Variants in GPATCH2 observed in about 807,000 individuals in gnomAD.
GPATCH2 encodes G patch domain-containing protein 2.
Under a neutral mutation model 58.0 loss-of-function variants are expected in GPATCH2, and 51 were observed. The ratio of observed to expected loss-of-function variants is 0.88; its 90% CI spans 0.70 to 1.11. GPATCH2 has a LOEUF of 1.11. GPATCH2 is among the 50% of genes most tolerant of loss of function. The pLI is 0.00. For missense variants in GPATCH2, 625 were observed against 652.2 expected, an observed-to-expected ratio of 0.96 and a Z score of 0.45; for synonymous variants, 222 against 218.5, an observed-to-expected ratio of 1.02 and a Z score of -0.14.
chr1:217,581,030 A>AG lies in GPATCH2; in HGVS notation c.1098+29290_1098+29291insC, dbSNP rs1232091542. 2.6e-4 allele frequency among the ~76,000 whole-genome samples: 10 copies of AG among 38,898 alleles called. 3 individuals carry two copies. Among genetic ancestry groups the AG allele is most frequent in the Admixed American group, 1.8e-3 (5 of 2,810 alleles). 25.5% of individuals were successfully genotyped at this position (38,898 alleles called of 152,430 possible). On this transcript the variant is annotated intron_variant, in intron 5 of 9. Coordinates refer to ENST00000366935, the MANE Select transcript of GPATCH2 (RefSeq NM_018040.5). The stretch of plus-strand genomic sequence containing the variant: ...GACTCCGTCTCAAAAAAAAAAAAAA[A>AG]AAAAAAGAAAGGCAGAATCTCAAGT...
chr1:217,569,516 G>A (rs774622836), intron 5 of GPATCH2, among the ~76,000 whole-genome samples: 223 of 151,662 alleles, frequency 1.5e-3, no homozygotes, highest in Admixed American at 7.0e-3. Flanking sequence ...CTAACGTGGC[G>A]AAACCCCGCC....
intron 5 of GPATCH2, among the ~76,000 whole-genome samples, chr1:217,591,311 G>T (rs889838084): frequency 6.6e-6 from 1 of 151,884 alleles, no homozygotes; most frequent in African/African-American, 2.4e-5. Context: ...TTGTGTGTAC[G>T]TGTGTGTGTG....
At chr1:217,521,040 C>A (rs901699520) in intron 5 of GPATCH2, among the ~76,000 whole-genome samples, 2 of 152,052 alleles carry the variant, frequency 1.3e-5, no homozygotes, top group East Asian at 3.9e-4. Context: ...GAGCTGGGGT[C>A]CTGCTATGTT....
intron 2 of GPATCH2, among the ~76,000 whole-genome samples, chr1:217,618,953 T>C (rs1224985117): frequency 2.7e-5 from 4 of 147,162 alleles, no homozygotes; most frequent in Non-Finnish European, 4.5e-5. Context: ...ACAGAGTGAG[T>C]CTCTATCTCG....
chr1:217,626,504 TAA>T (rs1669464491), intron 1 of GPATCH2, among the ~76,000 whole-genome samples: 1 of 152,156 alleles, frequency 6.6e-6, no homozygotes, highest in Admixed American at 6.5e-5. Context: ...AATGAGTGAC[TAA>T]ACATGCAAAT....
intron 1 of GPATCH2, among the ~76,000 whole-genome samples, chr1:217,624,204 T>C (rs969916588): frequency 1.3e-5 from 2 of 152,052 alleles, no homozygotes; most frequent in Non-Finnish European, 2.9e-5. Context: ...GTCAAGCTGC[T>C]TCACTAACAT....
intron 8 of GPATCH2, among the ~76,000 whole-genome samples, chr1:217,466,463 T>C (rs1009493079): frequency 6.6e-6 from 1 of 152,104 alleles, no homozygotes; most frequent in African/African-American, 2.4e-5. Context: ...GGGCTCAAGC[T>C]ATCCCTCTGC....
intron 5 of GPATCH2, among the ~76,000 whole-genome samples, chr1:217,521,324 A>C (rs12144714): frequency 0.16 from 22,812 of 143,784 alleles, 2,312 homozygotes; most frequent in Non-Finnish European, 0.21. Context: ...TGTCCAATTT[A>C]CCACCTAGTA....
At chr1:217,541,952 G>GT (rs914175241) in intron 5 of GPATCH2, among the ~76,000 whole-genome samples, 3 of 151,996 alleles carry the variant, frequency 2.0e-5, no homozygotes, top group Non-Finnish European at 2.9e-5. Flanking sequence ...TTGAAGTAGA[G>GT]TTTTTTTTAT....
At chr1:217,514,666 G>A (rs1412170203) in intron 6 of GPATCH2, among the ~76,000 whole-genome samples, 156 bp downstream of exon 6, 1 of 152,066 alleles carries the variant, frequency 6.6e-6, no homozygotes, top group Non-Finnish European at 1.5e-5. Flanking sequence ...CATGGTTTTC[G>A]TTTAAGTTGT....
chr1:217,627,646 T>C (rs986552570), intron 1 of GPATCH2, among the ~76,000 whole-genome samples: 4 of 152,070 alleles, frequency 2.6e-5, no homozygotes, highest in African/African-American at 7.2e-5. Flanking sequence ...TTTGTTACCA[T>C]AGGAACTTTC....
chr1:217,584,717 G>A (rs561583747), intron 5 of GPATCH2, among the ~76,000 whole-genome samples: 78 of 151,386 alleles, frequency 5.2e-4, no homozygotes, highest in Admixed American at 1.1e-3. Context: ...AAATTAGAAC[G>A]AAAAAGAAAA....
At chr1:217,459,727 A>T (rs928622209) in intron 8 of GPATCH2, among the ~76,000 whole-genome samples, 2 of 152,186 alleles carry the variant, frequency 1.3e-5, no homozygotes, top group African/African-American at 4.8e-5. Flanking sequence ...CATAATATCT[A>T]TAATAAAATT....
intron 5 of GPATCH2, among the ~76,000 whole-genome samples, chr1:217,582,858 A>G (rs1424688619): frequency 2.0e-5 from 3 of 152,228 alleles, no homozygotes; most frequent in African/African-American, 4.8e-5. Context: ...ATACTTAACT[A>G]TGATTAACAG....
At chr1:217,476,946 A>G (rs935750749) in intron 8 of GPATCH2, among the ~76,000 whole-genome samples, 5 of 152,076 alleles carry the variant, frequency 3.3e-5, no homozygotes, top group Non-Finnish European at 4.4e-5. Context: ...TCCAAGCCGC[A>G]CAACTCATAA....
At chr1:217,465,971 A>C (rs1373978590) in intron 8 of GPATCH2, among the ~76,000 whole-genome samples, 1 of 152,344 alleles carries the variant, frequency 6.6e-6, no homozygotes. Flanking sequence ...TATCAGATAT[A>C]GAAAGCAACG....
intron 5 of GPATCH2, among the ~76,000 whole-genome samples, chr1:217,551,642 C>G (rs952689624): frequency 7.2e-5 from 11 of 152,134 alleles, no homozygotes; most frequent in Admixed American, 1.3e-4. Context: ...AATACGAACA[C>G]AGATCTCACT....
chr1:217,585,841 A>G (rs552925293), intron 5 of GPATCH2, among the ~76,000 whole-genome samples: 354 of 152,264 alleles, frequency 2.3e-3, no homozygotes, highest in African/African-American at 8.1e-3. Context: ...AACCCAGATG[A>G]TATAGCCTAT....
At chr1:217,623,097 C>T (rs1057430663) in intron 1 of GPATCH2, among the ~76,000 whole-genome samples, 5 of 151,926 alleles carry the variant, frequency 3.3e-5, no homozygotes, top group Admixed American at 3.3e-4. Context: ...TAATATTGCA[C>T]CTTAAAAAAC....
Sources: allele counts gnomAD v4.1 joint callset (sites outside exome capture counted in the v4.1 genomes callset), GRCh38; gene constraint gnomAD v4.1.1; transcripts MANE v1.5; gene names NCBI Gene and HGNC (gene_info 2026-07-23, HGNC 2026-07-21).